The following NRG1 variants were observed in gnomAD, a reference collection of about 807,000 sequenced individuals.
NRG1 encodes the protein pro-neuregulin-1, membrane-bound isoform.
NRG1 carries 18 observed loss-of-function variants against 63.8 expected under a neutral mutation model. The ratio of observed to expected loss-of-function variants is 0.28; its 90% CI spans 0.19 to 0.42. The LOEUF is 0.42. Among genes scored for constraint, NRG1 ranks in the 10% least tolerant of loss-of-function variants. The probability of loss-of-function intolerance (pLI) is 1.00; values close to 1 mark genes in which losing one functional copy is unlikely to be tolerated. For missense variants in NRG1, 762 were observed against 814.7 expected (o/e 0.94, Z 0.79); for synonymous variants, 302 against 301.3 (o/e 1.00, Z -0.02).
chr8:31,994,015 AC>A (rs1289324900), intron 1 of NRG1, among the ~76,000 whole-genome samples: 1 of 151,992 alleles, frequency 6.6e-6, no homozygotes, highest in Non-Finnish European at 1.5e-5. Flanking sequence ...AACATTCAGT[AC>A]TGATAGGATG....
At chr8:32,750,855 G>A (rs184084359) in intron 7 of NRG1, among the ~76,000 whole-genome samples, 64 of 152,044 alleles carry the variant, frequency 4.2e-4, no homozygotes, top group Admixed American at 3.6e-3. Context: ...TAGGGAGCAC[G>A]TTGTGTACTG....
At chr8:32,503,288 G>GAAAAAAAAA (rs60857610) in intron 1 of NRG1, among the ~76,000 whole-genome samples, 2 of 54,856 alleles carry the variant, frequency 3.6e-5, no homozygotes, top group African/African-American at 6.4e-5. Flanking sequence ...CTCTGTCTCA[G>GAAAAAAAAA]AAAAAAAAAA....
intron 1 of NRG1, among the ~76,000 whole-genome samples, chr8:31,903,335 G>A (rs1276581533): frequency 6.6e-6 from 1 of 151,592 alleles, no homozygotes; most frequent in Admixed American, 6.6e-5. Context: ...ATTTTTAGTA[G>A]AGACGGGATT....
At chr8:31,713,632 C>T (rs1465263138) in intron 1 of NRG1, among the ~76,000 whole-genome samples, 1 of 151,958 alleles carries the variant, frequency 6.6e-6, no homozygotes, top group African/African-American at 2.4e-5. Flanking sequence ...GTTGAGTATA[C>T]CAAAAATACA....
intron 1 of NRG1, chr8:32,441,388 G>A (rs1007230439): frequency 6.6e-6 from 1 of 152,062 alleles, no homozygotes; most frequent in African/African-American, 2.4e-5. Context: ...TAGCCTTCCT[G>A]TCACTCTTTG....
chr8:32,456,968 C>G (rs1010934483), intron 1 of NRG1, among the ~76,000 whole-genome samples: 1 of 152,018 alleles, frequency 6.6e-6, no homozygotes, highest in African/African-American at 2.4e-5. Flanking sequence ...CCCAACTCTA[C>G]TAAAAATACA....
At chr8:32,709,172 A>T (rs1485137771) in intron 5 of NRG1, among the ~76,000 whole-genome samples, 2 of 152,138 alleles carry the variant, frequency 1.3e-5, no homozygotes, top group African/African-American at 4.8e-5. Flanking sequence ...TTTAGGAAAC[A>T]AAGAAGCCTA....
exon 1 of NRG1, chr8:31,639,305 C>A: frequency 6.7e-7 from 1 of 1,481,542 alleles, no homozygotes; most frequent in Non-Finnish European, 9.1e-7. Context: ...CCCATTGCAG[C>A]ACTCGGGGCG....
intron 1 of NRG1, among the ~76,000 whole-genome samples, chr8:32,193,704 T>G (rs184705712): frequency 1.6e-4 from 24 of 152,210 alleles, no homozygotes; most frequent in Admixed American, 1.4e-3. Flanking sequence ...TAACTCAGAA[T>G]AGAACCTTAT....
chr8:31,885,577 C>T (rs1379398309), intron 1 of NRG1, among the ~76,000 whole-genome samples: 3 of 152,114 alleles, frequency 2.0e-5, no homozygotes, highest in South Asian at 2.1e-4. Context: ...GCTTCTGCTT[C>T]CCGCAGTGGC....
chr8:32,559,813 G>A (rs1835999844), intron 1 of NRG1, among the ~76,000 whole-genome samples: 1 of 144,224 alleles, frequency 6.9e-6, no homozygotes, highest in Non-Finnish European at 1.5e-5. Context: ...TGGGCAACAT[G>A]GCAAAAATCT....
At chr8:31,772,800 A>G (rs1170570123) in intron 1 of NRG1, among the ~76,000 whole-genome samples, 3 of 152,210 alleles carry the variant, frequency 2.0e-5, no homozygotes, top group Non-Finnish European at 4.4e-5. Context: ...CTGGACTGAG[A>G]TGTGGGAGTC....
chr8:32,187,091 C>T (rs1842044312), intron 1 of NRG1, among the ~76,000 whole-genome samples: 1 of 152,142 alleles, frequency 6.6e-6, no homozygotes, highest in South Asian at 2.1e-4. Flanking sequence ...AACAGGACAT[C>T]CATGGCTGTA....
intron 1 of NRG1, among the ~76,000 whole-genome samples, chr8:31,894,169 A>AG (rs1280192219): frequency 6.6e-6 from 1 of 152,208 alleles, no homozygotes; most frequent in East Asian, 1.9e-4. Flanking sequence ...TGGGGAAAAA[A>AG]GGCTTGAAGG....
chr8:31,801,037 C>T (rs547680238), intron 1 of NRG1, among the ~76,000 whole-genome samples: 4 of 150,518 alleles, frequency 2.7e-5, no homozygotes, highest in East Asian at 3.9e-4. Context: ...TTAGTAGAGA[C>T]GGGGTTTCAC....
chr8:32,101,925 T>C (rs1332572408), intron 1 of NRG1, among the ~76,000 whole-genome samples: 1 of 152,184 alleles, frequency 6.6e-6, no homozygotes, highest in African/African-American at 2.4e-5. Context: ...TGAAATCAAT[T>C]TTCAGTTGAA....
intron 1 of NRG1, among the ~76,000 whole-genome samples, chr8:31,867,483 A>G (rs935598762): frequency 6.6e-6 from 1 of 151,970 alleles, no homozygotes; most frequent in African/African-American, 2.4e-5. Context: ...CTTGGTGATG[A>G]TTCTTCTATC....
At chr8:31,934,767 A>C (rs2129620301) in intron 1 of NRG1, among the ~76,000 whole-genome samples, 1 of 151,926 alleles carries the variant, frequency 6.6e-6, no homozygotes, top group Non-Finnish European at 1.5e-5. Context: ...TTATCTACCT[A>C]CCTATCTATT....
chr8:31,915,354 T>C (rs1173621977), intron 1 of NRG1, among the ~76,000 whole-genome samples: 1 of 152,146 alleles, frequency 6.6e-6, no homozygotes, highest in Non-Finnish European at 1.5e-5. Context: ...TATAAAATAC[T>C]GTTTTCATCC....
Sources: gnomAD v4.1 joint callset for allele counts (sites outside exome capture counted in the v4.1 genomes callset) on GRCh38, gnomAD v4.1.1 for gene constraint, MANE v1.5 for transcripts, NCBI Gene and HGNC (gene_info 2026-07-23, HGNC 2026-07-21) for gene names.